NEK7: variants seen among roughly 807,000 people sequenced by gnomAD.
NEK7 encodes the protein serine/threonine-protein kinase Nek7.
In NEK7, 18 loss-of-function variants were observed where a neutral mutation model predicts 44.6. The observed-to-expected ratio is 0.40, with a 90% CI of 0.28 to 0.60. The LOEUF (loss-of-function observed/expected upper bound fraction) is 0.60. NEK7 is among the 20% of genes least tolerant of loss of function. The pLI, the probability that NEK7 is intolerant of heterozygous loss-of-function variation, is 0.38. For synonymous variants in NEK7, 130 were observed against 121.1 expected, an observed-to-expected ratio of 1.07 and a Z score of -0.48; for missense variants, 256 against 366.5, an observed-to-expected ratio of 0.70 and a Z score of 2.46.
intron 1 of NEK7, among the ~76,000 whole-genome samples, chr1:198,227,282 G>T (rs1003985969): frequency 6.6e-6 from 1 of 152,162 alleles, no homozygotes; most frequent in Non-Finnish European, 1.5e-5. Flanking sequence ...TGGGCATTTG[G>T]GTTGGTTCCA....
At chr1:198,206,748 A>T (rs969944645) in intron 1 of NEK7, 5 of 152,096 alleles carry the variant, frequency 3.3e-5, no homozygotes, top group African/African-American at 1.2e-4. Context: ...TACATAAATT[A>T]TCCTATATCC....
At position 198,271,392 on chromosome 1, in the gene NEK7, C is replaced by T. The variant is rs143288443; in HGVS notation, c.373-6569C>T. On this transcript the variant is annotated intron_variant, in intron 5 of 9. Transcript: ENST00000367385. Reference sequence around the variant, plus strand: ...ATCTTAGAATTCTGCTTATGACAGACGTTAATAAATTAGCTAGAATGTCAA... The same window carrying T: ...ATCTTAGAATTCTGCTTATGACAGATGTTAATAAATTAGCTAGAATGTCAA... Among the ~76,000 whole-genome samples the T allele has an allele frequency of 2.8e-4, 43 of 152,014 alleles. 1 individual carries two copies. The highest frequency in any genetic ancestry group is 1.9e-3 in the East Asian group (10 of 5,154).
chr1:198,178,559 T>C (rs974554934), intron 1 of NEK7, among the ~76,000 whole-genome samples: 1 of 152,092 alleles, frequency 6.6e-6, no homozygotes, highest in Non-Finnish European at 1.5e-5. Context: ...GGTACTCTTT[T>C]GGGGTTTACA....
intron 1 of NEK7, among the ~76,000 whole-genome samples, chr1:198,199,994 C>A (rs73076970): frequency 0.1 from 15,567 of 152,120 alleles, 1,040 homozygotes; most frequent in East Asian, 0.22. Flanking sequence ...TATTTTGCCT[C>A]CTTTCTTGCT....
intron 5 of NEK7, among the ~76,000 whole-genome samples, chr1:198,272,392 A>G (rs1323099943): frequency 6.6e-6 from 1 of 151,876 alleles, no homozygotes; most frequent in Non-Finnish European, 1.5e-5. Context: ...AAGATAAGGG[A>G]TACAGACACC....
chr1:198,238,193 T>C lies in NEK7; in HGVS notation c.57+5556T>C, dbSNP rs186202793. On this transcript the variant is annotated intron_variant, in intron 2 of 9. Transcript: ENST00000367385. ...CTCCTTGCTTCAGTTGGAACACACT[T>C]CTCCCCCCCAGGACACTGCTTCCCC... Among the ~76,000 whole-genome samples the C allele has an allele frequency of 2.5e-3, 384 of 152,238 alleles. 1 individual carries two copies. Among genetic ancestry groups the C allele is most frequent in the Non-Finnish European group, 3.9e-3 (264 of 68,010 alleles).
intron 1 of NEK7, among the ~76,000 whole-genome samples, chr1:198,195,995 T>C (rs1207659568): frequency 6.6e-6 from 1 of 152,232 alleles, no homozygotes; most frequent in Non-Finnish European, 1.5e-5. Context: ...TCTTCTGTTA[T>C]TGTTCCTGCT....
chr1:198,315,448 C>T (rs1448509920), intron 9 of NEK7, among the ~76,000 whole-genome samples: 1 of 152,228 alleles, frequency 6.6e-6, no homozygotes, highest in Non-Finnish European at 1.5e-5. Flanking sequence ...ATTCGGCCAT[C>T]TTGGCTCCTC....
chr1:198,169,191 A>G (rs1664357130), intron 1 of NEK7, among the ~76,000 whole-genome samples: 1 of 152,216 alleles, frequency 6.6e-6, no homozygotes, highest in Admixed American at 6.5e-5. Flanking sequence ...GCACAGTAGT[A>G]ACTCCTTCAT....
At chr1:198,276,150 C>T (rs533105557) in intron 5 of NEK7, among the ~76,000 whole-genome samples, 1 of 151,642 alleles carries the variant, frequency 6.6e-6, no homozygotes, top group African/African-American at 2.4e-5. Context: ...GGTCCGGTAA[C>T]GTCTTCCCTA....
chr1:198,172,462 A>G (rs1664478391), intron 1 of NEK7, among the ~76,000 whole-genome samples: 1 of 152,180 alleles, frequency 6.6e-6, no homozygotes, highest in African/African-American at 2.4e-5. Context: ...TTGACTCTGT[A>G]GTTTTTCATA....
chr1:198,256,811 G>T (rs955197192), intron 3 of NEK7, among the ~76,000 whole-genome samples: 1 of 152,172 alleles, frequency 6.6e-6, no homozygotes, highest in African/African-American at 2.4e-5. Context: ...CACAGAGTTC[G>T]TGAGCTGGGT....
chr1:198,232,476 G>T, intron 1 of NEK7, 77 bp from the exon 2 acceptor site: 1 of 671,580 alleles, frequency 1.5e-6, no homozygotes. Context: ...GCATTTGAAT[G>T]CATGTGTCGG....
chr1:198,297,972 T>C lies in NEK7; in HGVS notation c.798+732T>C, dbSNP rs368150059. Reference sequence around the variant, plus strand: ...GCTCTACCCTATGTCCAGTCTTTCATTGAACAAAACATCTCCCATTTTAGC... The same window carrying C: ...GCTCTACCCTATGTCCAGTCTTTCACTGAACAAAACATCTCCCATTTTAGC... On this transcript the variant is annotated intron_variant, in intron 9 of 9. Transcript: ENST00000367385. Among the ~76,000 whole-genome samples the C allele has an allele frequency of 8.5e-5, 13 of 152,312 alleles. No individual in the cohort carries two copies. The South Asian group carries it at 1.4e-3, about 17-fold the overall frequency.
intron 9 of NEK7, among the ~76,000 whole-genome samples, chr1:198,304,944 T>G (rs1654982713): frequency 6.6e-6 from 1 of 152,140 alleles, no homozygotes; most frequent in Non-Finnish European, 1.5e-5. Flanking sequence ...TTAAACAGTT[T>G]TCTCTGATTT....
intron 7 of NEK7, among the ~76,000 whole-genome samples, chr1:198,284,124 TACAC>T (rs972034500): frequency 3.9e-5 from 6 of 152,150 alleles, no homozygotes; most frequent in African/African-American, 1.2e-4. Context: ...CTAAAATCCT[TACAC>T]ATACATGTGA....
intron 2 of NEK7, among the ~76,000 whole-genome samples, chr1:198,247,492 A>T (rs190199005): frequency 6.6e-6 from 1 of 152,314 alleles, no homozygotes; most frequent in East Asian, 1.9e-4. Context: ...CCTGATATAC[A>T]GTGCCTGTTA....
chr1:198,318,872 T>C (rs1357435703), intron 9 of NEK7, among the ~76,000 whole-genome samples: 2 of 152,124 alleles, frequency 1.3e-5, no homozygotes, highest in East Asian at 1.9e-4. Flanking sequence ...ATAACACTTA[T>C]AACTTCCCAT....
At chr1:198,257,319 C>T (rs1307404797) in intron 3 of NEK7, among the ~76,000 whole-genome samples, 1 of 152,008 alleles carries the variant, frequency 6.6e-6, no homozygotes, top group African/African-American at 2.4e-5. Context: ...TTGTTAGTTG[C>T]TTTAAAGTAT....
Sources: gnomAD v4.1 joint callset for allele counts (sites outside exome capture counted in the v4.1 genomes callset) on GRCh38, gnomAD v4.1.1 for gene constraint, MANE v1.5 for transcripts, NCBI Gene and HGNC (gene_info 2026-07-23, HGNC 2026-07-21) for gene names.